GALNT13: variants seen among roughly 807,000 people sequenced by gnomAD.
GALNT13 encodes polypeptide N-acetylgalactosaminyltransferase 13.
GALNT13 carries 28 observed loss-of-function variants against 64.2 expected under a neutral mutation model. The ratio of observed to expected loss-of-function variants is 0.44; its 90% CI spans 0.32 to 0.60. The LOEUF (loss-of-function observed/expected upper bound fraction) is 0.60, where lower values mean the gene tolerates loss of function less well. Among genes scored for constraint, GALNT13 ranks in the 20% least tolerant of loss-of-function variants. The pLI, the probability that GALNT13 is intolerant of heterozygous loss-of-function variation, is 0.05. For missense variants in GALNT13, 577 were observed against 669.8 expected (o/e 0.86, Z 1.53); for synonymous variants, 214 against 224.6 (o/e 0.95, Z 0.42).
At chr2:153,240,468 G>T in the GALNT13 span, among the ~76,000 whole-genome samples, 1,871 of 152,152 alleles carry the variant, frequency 0.012, 47 homozygotes, top group African/African-American at 0.043. Context: ...TGGTTCAGTA[G>T]CCCTGCCTCT....
chr2:153,474,389 A>C, the GALNT13 span, among the ~76,000 whole-genome samples: 1 of 152,334 alleles, frequency 6.6e-6, no homozygotes, highest in South Asian at 2.1e-4. Flanking sequence ...AGGAAGACAC[A>C]GTAGCAGGAT....
At chr2:153,190,726 C>G in the GALNT13 span, among the ~76,000 whole-genome samples, 1 of 151,868 alleles carries the variant, frequency 6.6e-6, no homozygotes, top group Non-Finnish European at 1.5e-5. Context: ...GATATCTTTC[C>G]ATTTATTTAT....
chr2:153,521,181 G>A, the GALNT13 span, among the ~76,000 whole-genome samples: 2 of 152,080 alleles, frequency 1.3e-5, no homozygotes, highest in Non-Finnish European at 2.9e-5. Flanking sequence ...CTTCTGAAGA[G>A]CTCCAAACAT....
At chr2:154,275,647 T>C (rs1447501815) in intron 8 of GALNT13, among the ~76,000 whole-genome samples, 3 of 152,136 alleles carry the variant, frequency 2.0e-5, no homozygotes, top group Admixed American at 2.0e-4. Context: ...ACCCTCTTGC[T>C]AGGGCAGTGT....
At chr2:153,633,775 CT>C in the GALNT13 span, among the ~76,000 whole-genome samples, 1 of 152,138 alleles carries the variant, frequency 6.6e-6, no homozygotes, top group Non-Finnish European at 1.5e-5. Context: ...TTATGAAAGT[CT>C]TTATTATGGC....
At chr2:153,776,626 AT>A in the GALNT13 span, among the ~76,000 whole-genome samples, 1 of 152,152 alleles carries the variant, frequency 6.6e-6, no homozygotes, top group African/African-American at 2.4e-5. Context: ...TACCCCAAAG[AT>A]TTTTGAACTA....
the GALNT13 span, among the ~76,000 whole-genome samples, chr2:153,120,334 A>C: frequency 6.6e-6 from 1 of 152,238 alleles, no homozygotes; most frequent in African/African-American, 2.4e-5. Flanking sequence ...CAAAATTTAG[A>C]AATGAGAATT....
the GALNT13 span, among the ~76,000 whole-genome samples, chr2:153,271,625 AC>A: frequency 6.6e-6 from 1 of 152,198 alleles, no homozygotes; most frequent in Non-Finnish European, 1.5e-5. Context: ...GACAACACAA[AC>A]AAATGGAAAA....
chr2:154,023,822 G>C (rs1282835432), intron 3 of GALNT13, among the ~76,000 whole-genome samples: 2 of 152,328 alleles, frequency 1.3e-5, no homozygotes, highest in African/African-American at 4.8e-5. Context: ...TGTTTTTGCA[G>C]TGGCTGGTAC....
intron 12 of GALNT13, among the ~76,000 whole-genome samples, chr2:154,450,110 C>T (rs961355979): frequency 2.0e-5 from 3 of 151,988 alleles, no homozygotes; most frequent in Non-Finnish European, 4.4e-5. Context: ...CAACTGAACT[C>T]GGAGCTCACA....
the GALNT13 span, among the ~76,000 whole-genome samples, chr2:153,546,554 G>C: frequency 9.9e-5 from 15 of 152,160 alleles, no homozygotes; most frequent in Non-Finnish European, 2.2e-4. Flanking sequence ...CCCGCTTCTT[G>C]TCAGGTGTCA....
At chr2:154,377,633 G>A (rs149732030) in intron 9 of GALNT13, among the ~76,000 whole-genome samples, 35 of 152,202 alleles carry the variant, frequency 2.3e-4, no homozygotes, top group Admixed American at 2.0e-3. Flanking sequence ...TTACATTGGC[G>A]TAGTTAATCT....
At chr2:153,809,519 C>T in the GALNT13 span, among the ~76,000 whole-genome samples, 1 of 152,100 alleles carries the variant, frequency 6.6e-6, no homozygotes, top group Admixed American at 6.5e-5. Context: ...AAAAACAAAA[C>T]AACTTCCCAA....
chr2:153,427,896 T>C, the GALNT13 span, among the ~76,000 whole-genome samples: 1 of 152,204 alleles, frequency 6.6e-6, no homozygotes, highest in Admixed American at 6.5e-5. Flanking sequence ...TTTCTGATGT[T>C]ATTGTTATTG....
chr2:153,243,052 G>A, the GALNT13 span, among the ~76,000 whole-genome samples: 24 of 152,320 alleles, frequency 1.6e-4, no homozygotes, highest in African/African-American at 5.5e-4. Flanking sequence ...GCTAATATCA[G>A]TTGTGGAGGT....
chr2:153,798,774 T>C, the GALNT13 span, among the ~76,000 whole-genome samples: 1 of 152,182 alleles, frequency 6.6e-6, no homozygotes, highest in Non-Finnish European at 1.5e-5. Flanking sequence ...AAAGTTGTCA[T>C]ACTTCTGGTG....
chr2:153,159,385 T>A, the GALNT13 span: 1 of 152,310 alleles, frequency 6.6e-6, no homozygotes, highest in Non-Finnish European at 1.5e-5. Context: ...AAATCCAGGA[T>A]ACCATTGATT....
the GALNT13 span, among the ~76,000 whole-genome samples, chr2:153,378,975 C>T: frequency 6.6e-6 from 1 of 151,854 alleles, no homozygotes; most frequent in Admixed American, 6.6e-5. Flanking sequence ...GACCATATTC[C>T]CTCAAGGGCT....
chr2:153,096,572 G>GT, the GALNT13 span, among the ~76,000 whole-genome samples: 1 of 151,998 alleles, frequency 6.6e-6, no homozygotes, highest in African/African-American at 2.4e-5. Context: ...ATTTAAAATT[G>GT]TTATATCCAC....
Sources: gnomAD v4.1 joint callset for allele counts (sites outside exome capture counted in the v4.1 genomes callset) on GRCh38, gnomAD v4.1.1 for gene constraint, MANE v1.5 for transcripts, NCBI Gene and HGNC (gene_info 2026-07-23, HGNC 2026-07-21) for gene names.